WDR20: variants seen among roughly 807,000 people sequenced by gnomAD.
WDR20 encodes WD repeat domain 20.
WDR20 carries 3 observed loss-of-function variants against 38.7 expected under a neutral mutation model. That is an observed-to-expected ratio of 0.08 (90% CI 0.04 to 0.20). The LOEUF (loss-of-function observed/expected upper bound fraction) is 0.20, where lower values mean the gene tolerates loss of function less well. Ranked by LOEUF, WDR20 falls within the 10% of genes least tolerant of loss-of-function variation. The pLI, the probability that WDR20 is intolerant of heterozygous loss-of-function variation, is 1.00. For missense variants in WDR20, 559 were observed against 727.7 expected (o/e 0.77, Z 2.67); for synonymous variants, 298 against 285.6 (o/e 1.04, Z -0.44).
downstream of WDR20, chr14:102,215,095 TA>T (rs1294092324): frequency 1.5e-6 from 1 of 663,202 alleles, no homozygotes; most frequent in Non-Finnish European, 1.9e-6. Context: ...GCTGTAAAAT[TA>T]AGGACCTTGT....
intron 1 of WDR20, among the ~76,000 whole-genome samples, chr14:102,164,526 G>T (rs1464509770): frequency 6.6e-6 from 1 of 152,126 alleles, no homozygotes; most frequent in African/African-American, 2.4e-5. Context: ...CTGCAATATG[G>T]CCTTGCTTCT....
At chr14:102,171,087 G>A (rs949098376) in intron 1 of WDR20, among the ~76,000 whole-genome samples, 8 of 151,970 alleles carry the variant, frequency 5.3e-5, no homozygotes, top group South Asian at 2.1e-4. Context: ...GAGTAGCTGG[G>A]ATTACAGGCA....
rs375338308 is a variant in WDR20, at chr14:102,140,182, C to T, written c.249+10C>T. 1.2e-6 allele frequency: 2 copies of T among 1,609,114 alleles called. No individual in the cohort carries two copies. The highest frequency in any genetic ancestry group is 1.3e-5 in the African/African-American group (1 of 74,934). Reference sequence around the variant, plus strand: ...CAAGGGGGTCCGCAAGGTACCGACCCGGGCGTCACCGGAGCCAGCCAGCGG... The same window carrying T: ...CAAGGGGGTCCGCAAGGTACCGACCTGGGCGTCACCGGAGCCAGCCAGCGG... On this transcript the variant is annotated intron_variant, in intron 1 of 2. Transcript: ENST00000342702.
intron 1 of WDR20, among the ~76,000 whole-genome samples, chr14:102,194,278 A>G (rs2059044434): frequency 6.6e-6 from 1 of 152,226 alleles, no homozygotes; most frequent in Non-Finnish European, 1.5e-5. Context: ...CCGAAACCTA[A>G]TCCAGAAGAG....
chr14:102,192,773 C>T (rs1392636905), intron 1 of WDR20, among the ~76,000 whole-genome samples: 2 of 152,092 alleles, frequency 1.3e-5, no homozygotes, highest in African/African-American at 2.4e-5. Context: ...TGTATTTCAG[C>T]GCATAATTTT....
chr14:102,213,975 C>T (rs142602935), downstream of WDR20: 115 of 985,474 alleles, frequency 1.2e-4, no homozygotes, highest in East Asian at 8.9e-3. Context: ...CAGCGTCTGG[C>T]GTCCAGCTTT....
At chr14:102,155,975 A>G (rs1186551416) in intron 1 of WDR20, among the ~76,000 whole-genome samples, 1 of 142,686 alleles carries the variant, frequency 7.0e-6, no homozygotes, top group Non-Finnish European at 1.5e-5. Context: ...AAGTCTCACT[A>G]TATTATAGCC....
chr14:102,142,825 A>G lies in WDR20; in HGVS notation c.249+2653A>G, dbSNP rs558940794. On this transcript the variant is annotated intron_variant, in intron 1 of 2. Coordinates refer to ENST00000342702, the MANE Select transcript of WDR20 (RefSeq NM_144574.4). The stretch of plus-strand genomic sequence containing the variant: ...TCCTTTGAGGCGTGTAAAATTTTAC[A>G]ATAATTATTTGGATTATTCAGAAGA... Among the ~76,000 whole-genome samples the G allele has an allele frequency of 2.2e-5, 3 of 135,050 alleles. No individual in the cohort carries two copies. In the East Asian group the frequency reaches 6.3e-4, roughly 28 times the overall value. 88.6% of individuals were successfully genotyped at this position (135,050 alleles called of 152,430 possible).
At position 102,162,159 on chromosome 14, in the gene WDR20, T is replaced by A. The variant is rs115461288; in HGVS notation, c.249+21987T>A. ...ACTGAGGTCTTGCACTGGTCTAGGT[T>A]TTGGGACCCAGATGTAATAGACATA... On this transcript the variant is annotated intron_variant, in intron 1 of 2. Transcript: ENST00000342702. 7.5e-3 allele frequency among the ~76,000 whole-genome samples: 1,136 copies of A among 152,298 alleles called. 21 individuals are homozygous for A. Among genetic ancestry groups the A allele is most frequent in the African/African-American group, 0.026 (1,063 of 41,538 alleles).
At chr14:102,206,142 A>G (rs1168260944) in intron 2 of WDR20, among the ~76,000 whole-genome samples, 1 of 152,130 alleles carries the variant, frequency 6.6e-6, no homozygotes, top group African/African-American at 2.4e-5. Flanking sequence ...TCGCACTACC[A>G]TGCCCAGCTA....
intron 1 of WDR20, chr14:102,171,279 T>TTA (rs71116887): frequency 7.0e-6 from 1 of 142,252 alleles, no homozygotes. Context: ...TTTTTTTTTT[T>TTA]AGGAGACAGG....
chr14:102,167,673 T>C (rs1217992309), intron 1 of WDR20: 1 of 152,152 alleles, frequency 6.6e-6, no homozygotes, highest in African/African-American at 2.4e-5. Flanking sequence ...CTAGATCCGG[T>C]CTCCCTGTTA....
intron 1 of WDR20, among the ~76,000 whole-genome samples, chr14:102,161,803 G>T (rs1256219747): frequency 6.6e-6 from 1 of 152,118 alleles, no homozygotes; most frequent in Non-Finnish European, 1.5e-5. Flanking sequence ...GTACCACATA[G>T]ACCAAAATGA....
At chr14:102,140,324 G>C (rs2050425457) in intron 1 of WDR20, 152 bp downstream of exon 1, 2 of 1,274,804 alleles carry the variant, frequency 1.6e-6, no homozygotes, top group Non-Finnish European at 2.1e-6. Flanking sequence ...CCTGAGGAGA[G>C]GGGATTCAGG....
chr14:102,214,294 C>T (rs1379098358), downstream of WDR20: 1 of 985,324 alleles, frequency 1.0e-6, no homozygotes, highest in Non-Finnish European at 1.2e-6. Context: ...TTGGGACTGT[C>T]GGGTGTTGCT....
intron 1 of WDR20, among the ~76,000 whole-genome samples, chr14:102,155,748 T>C (rs1437930900): frequency 6.6e-6 from 1 of 152,088 alleles, no homozygotes; most frequent in African/African-American, 2.4e-5. Flanking sequence ...TAATGGGACC[T>C]GTGGCAATTA....
Position 102,209,388 on chromosome 14 carries a change from C to T in WDR20, c.1218C>T (p.Ala406=). 6.2e-7 allele frequency: 1 copy of T among 1,614,152 alleles called. No homozygotes were observed. Among genetic ancestry groups the T allele is most frequent in the Non-Finnish European group, 8.5e-7 (1 of 1,180,038 alleles). ...GGACACACACAAATGTCATGAATGC[C>T]ACGAGTCCTCCTGCTGGAAGCAATG... The part of the protein sequence containing the change: ...RARTHTNVMN[A]TSPPAGSNGN... The change falls in exon 3 of 3, where the codon GCC becomes GCT. Residue 406 remains alanine, a synonymous_variant. Coordinates refer to ENST00000342702, the MANE Select transcript of WDR20 (RefSeq NM_144574.4). The surrounding 1 kb of genome is among the most constrained non-coding windows in gnomAD (Gnocchi z 6.0).
In WDR20 at chr14:102,160,699, T is replaced by C. The variant is rs564233389; in HGVS notation, c.249+20527T>C. 1.1e-3 allele frequency among the ~76,000 whole-genome samples: 163 copies of C among 151,908 alleles called. 1 individual carries two copies. Among genetic ancestry groups the C allele is most frequent in the African/African-American group, 3.8e-3 (156 of 41,398 alleles). On this transcript the variant is annotated intron_variant, in intron 1 of 2. Coordinates refer to ENST00000342702, the MANE Select transcript of WDR20 (RefSeq NM_144574.4). The stretch of plus-strand genomic sequence containing the variant: ...GGCTCACGCCCATAATCCCAGCACT[T>C]TGGGAGGCTGAGGCAGGTGGATCAC...
intron 1 of WDR20, chr14:102,167,588 A>G (rs1283130209): frequency 1.3e-5 from 2 of 152,114 alleles, no homozygotes; most frequent in African/African-American, 2.4e-5. Flanking sequence ...CTGCCCCTTC[A>G]TCTGTTTAAC....
Sources: gnomAD v4.1 joint callset for allele counts (sites outside exome capture counted in the v4.1 genomes callset) on GRCh38, gnomAD v4.1.1 for gene constraint, Gnocchi (gnomAD v3.1) non-coding constraint, MANE v1.5 for transcripts, NCBI Gene and HGNC (gene_info 2026-07-23, HGNC 2026-07-21) for gene names.